Variants in IMMP2L observed in about 807,000 individuals in gnomAD.
The protein encoded by IMMP2L is mitochondrial inner membrane protease subunit 2.
A neutral mutation model predicts 19.3 loss-of-function variants in IMMP2L; 18 were observed. The observed-to-expected ratio is 0.93, with a 90% CI of 0.64 to 1.38. The LOEUF (loss-of-function observed/expected upper bound fraction) is 1.38. Among genes scored for constraint, IMMP2L ranks in the 40% most tolerant of loss-of-function variants. The probability of loss-of-function intolerance (pLI) is 0.00; values close to 1 mark genes in which losing one functional copy is unlikely to be tolerated. For missense variants in IMMP2L, 233 were observed against 218.2 expected, an observed-to-expected ratio of 1.07 and a Z score of -0.43; for synonymous variants, 76 against 73.0, an observed-to-expected ratio of 1.04 and a Z score of -0.21.
intron 3 of IMMP2L, among the ~76,000 whole-genome samples, chr7:111,176,895 T>C (rs942597433): frequency 5.3e-5 from 8 of 152,052 alleles, no homozygotes; most frequent in Admixed American, 5.3e-4. Flanking sequence ...TTAATCTAGT[T>C]TATTTTCTAC....
intron 3 of IMMP2L, among the ~76,000 whole-genome samples, chr7:111,446,637 A>C (rs914930143): frequency 5.3e-5 from 8 of 152,174 alleles, no homozygotes; most frequent in Non-Finnish European, 1.2e-4. Context: ...GGAAACTCTA[A>C]AACACAGAGC....
At chr7:111,119,643 G>A (rs1457151290) in intron 3 of IMMP2L, among the ~76,000 whole-genome samples, 3 of 152,196 alleles carry the variant, frequency 2.0e-5, no homozygotes, top group Non-Finnish European at 4.4e-5. Context: ...AAATTAAGCA[G>A]ATAGAATTAC....
At chr7:110,774,053 A>G (rs1289272683) in intron 5 of IMMP2L, among the ~76,000 whole-genome samples, 1 of 152,016 alleles carries the variant, frequency 6.6e-6, no homozygotes, top group Non-Finnish European at 1.5e-5. Context: ...CTTGTATCCA[A>G]CAATACTATG....
intron 5 of IMMP2L, among the ~76,000 whole-genome samples, chr7:110,780,106 C>T (rs965136634): frequency 9.9e-5 from 15 of 151,384 alleles, no homozygotes; most frequent in African/African-American, 3.2e-4. Context: ...ATTTATGTGG[C>T]TCGCTTAGGT....
intron 3 of IMMP2L, among the ~76,000 whole-genome samples, chr7:111,486,998 C>G (rs1842708856): frequency 6.6e-6 from 1 of 152,088 alleles, no homozygotes; most frequent in Admixed American, 6.6e-5. Flanking sequence ...TTCTAATCAA[C>G]ATTTCATTAA....
chr7:110,742,060 C>G (rs1347223048), intron 5 of IMMP2L, among the ~76,000 whole-genome samples: 1 of 152,128 alleles, frequency 6.6e-6, no homozygotes, highest in Non-Finnish European at 1.5e-5. Flanking sequence ...AATGGCAAGG[C>G]TAGACGCTTA....
chr7:110,785,125 G>A (rs1949290367), intron 5 of IMMP2L, among the ~76,000 whole-genome samples: 1 of 151,962 alleles, frequency 6.6e-6, no homozygotes. Context: ...TACAGTAGGA[G>A]GTGGTAGAAG....
intron 3 of IMMP2L, among the ~76,000 whole-genome samples, chr7:111,361,948 C>G (rs984100458): frequency 1.3e-5 from 2 of 151,960 alleles, no homozygotes; most frequent in Non-Finnish European, 2.9e-5. Context: ...AAAGAATTTT[C>G]TAAAAATACA....
chr7:111,499,698 T>G (rs925604216), intron 2 of IMMP2L, among the ~76,000 whole-genome samples: 45 of 152,206 alleles, frequency 3.0e-4, no homozygotes, highest in African/African-American at 1.1e-3. Flanking sequence ...TCCCATCTCA[T>G]GGAGAGAAAT....
intron 5 of IMMP2L, among the ~76,000 whole-genome samples, chr7:110,718,959 C>G (rs1420862686): frequency 6.6e-6 from 1 of 152,148 alleles, no homozygotes; most frequent in Admixed American, 6.5e-5. Flanking sequence ...TCAAGGGGTC[C>G]TCCTGCTGGA....
chr7:111,403,778 T>A lies in IMMP2L; in HGVS notation c.239+83460A>T, dbSNP rs917433689. ...GATTGTGAAAGGGTAGAAGTGAGGA[T>A]CCCTTTCTGTGTAATATTGTTAAAG... is the stretch of plus-strand genomic sequence containing the variant. On this transcript the variant is annotated intron_variant, in intron 3 of 5. Transcript: ENST00000405709. Among the ~76,000 whole-genome samples, 8 of 152,222 alleles carry A rather than the reference T, an allele frequency of 5.3e-5. No homozygotes were observed. In the East Asian group the frequency reaches 1.2e-3, roughly 22 times the overall value.
At position 111,156,760 on chromosome 7, in the gene IMMP2L, C is replaced by T. The variant is rs1319074855; in HGVS notation, c.240-193195G>A. Among the ~76,000 whole-genome samples, 6 of 151,706 alleles carry T rather than the reference C, an allele frequency of 4.0e-5. No individual in the cohort carries two copies. The Admixed American group carries it at 4.0e-4, about 10-fold the overall frequency. The stretch of plus-strand genomic sequence containing the variant: ...AGCTAGCACAGAGAAATACAACTGA[C>T]TTTGTGTGCAGACCTTGTATCTAGT... On this transcript the variant is annotated intron_variant, in intron 3 of 5. Coordinates refer to ENST00000405709, the MANE Select transcript of IMMP2L (RefSeq NM_032549.4).
intron 2 of IMMP2L, among the ~76,000 whole-genome samples, chr7:111,517,950 G>T (rs1373062819): frequency 3.9e-5 from 6 of 152,200 alleles, no homozygotes; most frequent in African/African-American, 1.4e-4. Flanking sequence ...ATAATGAAAT[G>T]AATGCAGCTA....
intron 3 of IMMP2L, among the ~76,000 whole-genome samples, chr7:111,000,459 A>G (rs374169980): frequency 9.2e-5 from 14 of 152,182 alleles, no homozygotes; most frequent in Admixed American, 5.2e-4. Context: ...ATAAGGTGAT[A>G]ATATATTTGG....
intron 5 of IMMP2L, among the ~76,000 whole-genome samples, chr7:110,813,143 G>T (rs1802166034): frequency 6.6e-6 from 1 of 151,910 alleles, no homozygotes; most frequent in Admixed American, 6.6e-5. Flanking sequence ...AAAATCAAAG[G>T]ATATAGAATG....
At chr7:111,219,045 T>C (rs561297955) in intron 3 of IMMP2L, among the ~76,000 whole-genome samples, 1 of 152,170 alleles carries the variant, frequency 6.6e-6, no homozygotes, top group East Asian at 1.9e-4. Flanking sequence ...AAACAGGGCA[T>C]GAAATAGAGG....
At chr7:111,086,043 A>G (rs2129577065) in intron 3 of IMMP2L, among the ~76,000 whole-genome samples, 1 of 152,250 alleles carries the variant, frequency 6.6e-6, no homozygotes, top group South Asian at 2.1e-4. Flanking sequence ...GAGTGATGAA[A>G]TAACATGCAC....
intron 3 of IMMP2L, among the ~76,000 whole-genome samples, chr7:111,242,295 A>G (rs895557947): frequency 9.2e-5 from 14 of 152,104 alleles, no homozygotes; most frequent in African/African-American, 3.4e-4. Flanking sequence ...TATATCAGCT[A>G]GGAGAAAATC....
Position 110,984,013 on chromosome 7 carries a change from T to A in IMMP2L, c.240-20448A>T, listed in dbSNP as rs553620249. On this transcript the variant is annotated intron_variant, in intron 3 of 5. Coordinates refer to ENST00000405709, the MANE Select transcript of IMMP2L (RefSeq NM_032549.4). ...GTCTGAGTAAAGGTCAAAAGCCTGA[T>A]AAAAACCAGACCAAGCAGATTCTCT... is the stretch of plus-strand genomic sequence containing the variant. Among the ~76,000 whole-genome samples, 5 of 152,094 alleles carry A rather than the reference T, an allele frequency of 3.3e-5. No individual in the cohort carries two copies. In the South Asian group the frequency reaches 1.0e-3, roughly 32 times the overall value.
Sources: allele counts gnomAD v4.1 joint callset (sites outside exome capture counted in the v4.1 genomes callset), GRCh38; gene constraint gnomAD v4.1.1; transcripts MANE v1.5; gene names NCBI Gene and HGNC (gene_info 2026-07-23, HGNC 2026-07-21).